The following HTR1E variants were observed in gnomAD, a reference collection of about 807,000 sequenced individuals.
HTR1E encodes 5-HT-1E.
In HTR1E, 3 loss-of-function variants were observed where a neutral mutation model predicts 3.4. The ratio of observed to expected loss-of-function variants is 0.89; its 90% CI spans 0.41 to 2.31. The LOEUF is 2.31. Ranked by LOEUF, HTR1E falls within the 30% of genes most tolerant of loss-of-function variation. The probability of loss-of-function intolerance (pLI) is 0.05; values close to 1 mark genes in which losing one functional copy is unlikely to be tolerated. For synonymous variants in HTR1E, 170 were observed against 182.8 expected (o/e 0.93, Z 0.56); for missense variants, 392 against 467.0 (o/e 0.84, Z 1.48).
At chr6:86,986,454 G>C (rs1014782720) in intron 1 of HTR1E, among the ~76,000 whole-genome samples, 5 of 152,132 alleles carry the variant, frequency 3.3e-5, no homozygotes, top group African/African-American at 7.2e-5. Flanking sequence ...ACATTTGAAG[G>C]CAGTCTTTTT....
Position 86,992,342 on chromosome 6 carries a change from A to T in HTR1E, c.-185-22808A>T, listed in dbSNP as rs1189406358. ...GAAACATAGAGTTGTGTTTCCAAAAATTCCAAGGAAGGCCTGGGCATAGCT... is the reference window on the plus strand; with the variant it reads ...GAAACATAGAGTTGTGTTTCCAAAATTTCCAAGGAAGGCCTGGGCATAGCT... On this transcript the variant is annotated intron_variant, in intron 1 of 1. Coordinates refer to ENST00000305344, the MANE Select transcript of HTR1E (RefSeq NM_000865.3). 2.0e-5 allele frequency among the ~76,000 whole-genome samples: 3 copies of T among 152,180 alleles called. No individual in the cohort carries two copies. In the South Asian group the frequency reaches 6.2e-4, roughly 31 times the overall value.
chr6:86,956,238 C>G (rs1767321523), intron 1 of HTR1E, among the ~76,000 whole-genome samples: 1 of 152,174 alleles, frequency 6.6e-6, no homozygotes, highest in Non-Finnish European at 1.5e-5. Context: ...GAATCCTCTT[C>G]CCTTTCCAGG....
chr6:87,007,558 G>C lies in HTR1E; in HGVS notation c.-185-7592G>C, dbSNP rs536503200. Among the ~76,000 whole-genome samples the C allele has an allele frequency of 3.3e-5, 5 of 152,250 alleles. No homozygotes were observed. In the East Asian group the frequency reaches 9.6e-4, roughly 29 times the overall value. On this transcript the variant is annotated intron_variant, in intron 1 of 1. Coordinates refer to ENST00000305344, the MANE Select transcript of HTR1E (RefSeq NM_000865.3). ...TACCTTGATGTGATGATTACTTGTT[G>C]TATGCCTGTATCAAAATATCTCATA...
At chr6:86,964,559 T>C (rs1369714428) in intron 1 of HTR1E, among the ~76,000 whole-genome samples, 1 of 152,244 alleles carries the variant, frequency 6.6e-6, no homozygotes, top group Non-Finnish European at 1.5e-5. Flanking sequence ...CTTTATATTT[T>C]CTTTCAAGCA....
At chr6:86,996,261 C>T (rs985557760) in intron 1 of HTR1E, among the ~76,000 whole-genome samples, 2 of 152,194 alleles carry the variant, frequency 1.3e-5, no homozygotes, top group East Asian at 1.9e-4. Flanking sequence ...AAAGTATGTC[C>T]TCTGACCACA....
At chr6:86,992,084 T>C (rs190109656) in intron 1 of HTR1E, among the ~76,000 whole-genome samples, 1 of 152,302 alleles carries the variant, frequency 6.6e-6, no homozygotes, top group African/African-American at 2.4e-5. Flanking sequence ...TGTCCCCCTC[T>C]ACCCATCCCA....
chr6:86,987,575 A>G (rs1324713433), intron 1 of HTR1E, among the ~76,000 whole-genome samples: 2 of 152,192 alleles, frequency 1.3e-5, no homozygotes, highest in Admixed American at 6.5e-5. Flanking sequence ...TTTGAAAATT[A>G]GCACTAGTAT....
At chr6:86,954,273 T>A (rs1259341572) in intron 1 of HTR1E, among the ~76,000 whole-genome samples, 1 of 152,192 alleles carries the variant, frequency 6.6e-6, no homozygotes, top group Non-Finnish European at 1.5e-5. Flanking sequence ...CTGCCTCTCA[T>A]CATATGGCCT....
intron 1 of HTR1E, among the ~76,000 whole-genome samples, chr6:86,940,158 C>T (rs879495247): frequency 6.6e-6 from 1 of 151,974 alleles, no homozygotes; most frequent in Non-Finnish European, 1.5e-5. Flanking sequence ...CACATTGTCC[C>T]CACCTGGCTC....
At chr6:86,992,456 G>A (rs1417061584) in intron 1 of HTR1E, among the ~76,000 whole-genome samples, 1 of 152,154 alleles carries the variant, frequency 6.6e-6, no homozygotes, top group East Asian at 1.9e-4. Context: ...AGAACGACGT[G>A]AACTGGACTG....
At chr6:86,992,292 C>A (rs1767879708) in intron 1 of HTR1E, among the ~76,000 whole-genome samples, 1 of 152,160 alleles carries the variant, frequency 6.6e-6, no homozygotes, top group African/African-American at 2.4e-5. Flanking sequence ...GTATAACTTG[C>A]CCTTTTTCTC....
intron 1 of HTR1E, among the ~76,000 whole-genome samples, chr6:86,999,570 A>AT (rs1232283852): frequency 6.6e-6 from 1 of 152,098 alleles, no homozygotes; most frequent in Non-Finnish European, 1.5e-5. Flanking sequence ...TATTAGAGTA[A>AT]TTTTTTTCTA....
chr6:86,940,272 A>G (rs1047724325), intron 1 of HTR1E, among the ~76,000 whole-genome samples: 1 of 152,128 alleles, frequency 6.6e-6, no homozygotes, highest in African/African-American at 2.4e-5. Flanking sequence ...ATGATGGGTC[A>G]CACCTGTAAT....
chr6:86,941,087 C>T (rs534183186), intron 1 of HTR1E, among the ~76,000 whole-genome samples: 47 of 152,216 alleles, frequency 3.1e-4, no homozygotes, highest in Non-Finnish European at 6.3e-4. Flanking sequence ...CTCTTGTTTT[C>T]TCCTCCCTGA....
At chr6:86,956,244 C>T (rs570010014) in intron 1 of HTR1E, among the ~76,000 whole-genome samples, 14 of 152,266 alleles carry the variant, frequency 9.2e-5, no homozygotes, top group Admixed American at 7.2e-4. Flanking sequence ...TCTTCCCTTT[C>T]CAGGTCTTTT....
At chr6:86,961,470 G>C (rs1440717726) in intron 1 of HTR1E, among the ~76,000 whole-genome samples, 1 of 152,074 alleles carries the variant, frequency 6.6e-6, no homozygotes, top group Non-Finnish European at 1.5e-5. Flanking sequence ...AGTTTAATTT[G>C]CCCAAGCTTG....
intron 1 of HTR1E, among the ~76,000 whole-genome samples, chr6:86,969,447 T>C (rs991140645): frequency 6.6e-6 from 1 of 152,234 alleles, no homozygotes; most frequent in African/African-American, 2.4e-5. Flanking sequence ...GGTCTCTACC[T>C]ACCTCTCTAG....
intron 1 of HTR1E, among the ~76,000 whole-genome samples, chr6:86,982,443 T>C (rs527625978): frequency 6.6e-6 from 1 of 152,286 alleles, no homozygotes; most frequent in Non-Finnish European, 1.5e-5. Context: ...TTGGTTGTGA[T>C]GTGCTCTCAG....
At chr6:86,983,675 C>A (rs567666311) in intron 1 of HTR1E, among the ~76,000 whole-genome samples, 7 of 152,176 alleles carry the variant, frequency 4.6e-5, no homozygotes, top group African/African-American at 1.7e-4. Flanking sequence ...TGGAATGTTT[C>A]CAACACAAAG....
Sources: gnomAD v4.1 joint callset for allele counts (sites outside exome capture counted in the v4.1 genomes callset) on GRCh38, gnomAD v4.1.1 for gene constraint, MANE v1.5 for transcripts, NCBI Gene and HGNC (gene_info 2026-07-23, HGNC 2026-07-21) for gene names.